KMO: variants seen among roughly 807,000 people sequenced by gnomAD.
The protein encoded by KMO is kynurenine 3-hydroxylase.
KMO carries 24 observed loss-of-function variants against 57.8 expected under a neutral mutation model. The ratio of observed to expected loss-of-function variants is 0.42; its 90% confidence interval spans 0.30 to 0.58. The LOEUF (loss-of-function observed/expected upper bound fraction) is 0.58, where lower values mean the gene tolerates loss of function less well. KMO is among the 20% of genes least tolerant of loss of function. The pLI is 0.22. For missense variants in KMO, 483 were observed against 588.2 expected (o/e 0.82, Z 1.85); for synonymous variants, 210 against 193.6 (o/e 1.08, Z -0.70).
At chr1:241,534,410 T>C (rs1473685833) in intron 1 of KMO, among the ~76,000 whole-genome samples, 1 of 152,214 alleles carries the variant, frequency 6.6e-6, no homozygotes, top group Non-Finnish European at 1.5e-5. Flanking sequence ...GAGATTGTCA[T>C]CATGTAACCA....
rs757638581 is a variant in KMO at position 241,566,586 on chromosome 1, T to C, written c.783T>C (p.Phe261=). The change falls in exon 9 of 15, where the codon TTT becomes TTC. Residue 261 remains phenylalanine, a synonymous_variant. Coordinates refer to ENST00000366559, the MANE Select transcript of KMO (RefSeq NM_003679.5). ...TGGTAGATTTCTTCCAGAAATACTT[T>C]CCGGATGCCATCCCTCTAATTGGAG... ...NDVVDFFQKY[F]PDAIPLIGEK... The C allele has an allele frequency of 6.2e-7, 1 of 1,613,978 alleles. No individual in the cohort carries two copies. Among genetic ancestry groups the C allele is most frequent in the Non-Finnish European group, 8.5e-7 (1 of 1,179,880 alleles).
intron 5 of KMO, among the ~76,000 whole-genome samples, chr1:241,559,563 G>T (rs558630680): frequency 6.6e-6 from 1 of 152,098 alleles, no homozygotes; most frequent in African/African-American, 2.4e-5. Context: ...CTACATAGAT[G>T]AATTTCTTTG....
chr1:241,588,110 C>G (rs1431434933), intron 11 of KMO, among the ~76,000 whole-genome samples: 1 of 151,998 alleles, frequency 6.6e-6, no homozygotes, highest in Non-Finnish European at 1.5e-5. Context: ...TTTCTAAAGC[C>G]TCCGTTCTTT....
At chr1:241,572,844 T>A (rs892791156) in intron 10 of KMO, among the ~76,000 whole-genome samples, 1 of 152,164 alleles carries the variant, frequency 6.6e-6, no homozygotes, top group Admixed American at 6.5e-5. Context: ...TCTGCGTTTC[T>A]GTACTCATAA....
intron 14 of KMO, among the ~76,000 whole-genome samples, chr1:241,590,485 A>G (rs1261329624): frequency 6.6e-6 from 1 of 152,244 alleles, no homozygotes; most frequent in Non-Finnish European, 1.5e-5. Flanking sequence ...ATCTCAAGAT[A>G]GAAACTGATG....
chr1:241,546,627 G>T (rs748023806), intron 1 of KMO, among the ~76,000 whole-genome samples: 1 of 152,076 alleles, frequency 6.6e-6, no homozygotes, highest in African/African-American at 2.4e-5. Context: ...AAGGAGAGAC[G>T]GTGACTCCTA....
At chr1:241,548,449 A>G (rs753804263) in intron 1 of KMO, among the ~76,000 whole-genome samples, 2 of 152,152 alleles carry the variant, frequency 1.3e-5, no homozygotes, top group Non-Finnish European at 2.9e-5. Flanking sequence ...TTTTGGAGGA[A>G]TGACGCTATT....
rs758193219 is a variant in KMO, at chr1:241,586,546, C to T, written c.958-133C>T. The T allele has an allele frequency of 5.7e-6, 4 of 700,492 alleles. No individual in the cohort carries two copies. In the Admixed American group the frequency reaches 8.4e-5, roughly 15 times the overall value. 43.4% of individuals were successfully genotyped at this position (700,492 alleles called of 1,614,324 possible). ...AATTCAATACCATGTGACAACTCAA[C>T]TGCTATGTACTAGTTGAGAATAAAC... On this transcript the variant is annotated intron_variant, in intron 10 of 14. Coordinates refer to ENST00000366559, the MANE Select transcript of KMO (RefSeq NM_003679.5).
chr1:241,549,151 AG>A (rs1298483256), intron 2 of KMO, among the ~76,000 whole-genome samples: 1 of 151,394 alleles, frequency 6.6e-6, no homozygotes, highest in African/African-American at 2.4e-5. Flanking sequence ...CCTGGGTGAA[AG>A]GGCAAGACCC....
At chr1:241,571,840 T>A (rs1662290740) in intron 10 of KMO, among the ~76,000 whole-genome samples, 1 of 151,534 alleles carries the variant, frequency 6.6e-6, no homozygotes, top group Admixed American at 6.6e-5. Flanking sequence ...TTTGGAATAA[T>A]TTGAGTAGGA....
In KMO at chr1:241,575,172, A is replaced by G. The variant is rs1403163597; in HGVS notation, c.957+6525A>G. Among the ~76,000 whole-genome samples, 3 of 151,884 alleles carry G rather than the reference A, an allele frequency of 2.0e-5. No homozygotes were observed. The East Asian group carries it at 5.8e-4, about 29-fold the overall frequency. ...ATCTTCTCTTATATTTTCTTGGTTA[A>G]ACTAGCTAATGATCTATTGATTTTG... On this transcript the variant is annotated intron_variant, in intron 10 of 14. Coordinates refer to ENST00000366559, the MANE Select transcript of KMO (RefSeq NM_003679.5).
At chr1:241,533,383 T>C (rs751518216) in intron 1 of KMO, among the ~76,000 whole-genome samples, 2 of 152,250 alleles carry the variant, frequency 1.3e-5, no homozygotes, top group African/African-American at 2.4e-5. Context: ...AGGCTGAATA[T>C]AGATGGTATA....
intron 1 of KMO, among the ~76,000 whole-genome samples, chr1:241,536,071 T>C (rs888315887): frequency 2.6e-5 from 4 of 152,196 alleles, no homozygotes; most frequent in Admixed American, 6.5e-5. Context: ...CAGAACAAAG[T>C]GGAGAATCAC....
intron 1 of KMO, among the ~76,000 whole-genome samples, chr1:241,540,194 T>C (rs919039604): frequency 6.6e-6 from 1 of 152,130 alleles, no homozygotes; most frequent in African/African-American, 2.4e-5. Context: ...TTTCTTCACA[T>C]TTACCTGTAT....
intron 9 of KMO, among the ~76,000 whole-genome samples, chr1:241,568,224 G>T (rs1662152497): frequency 6.6e-6 from 1 of 152,150 alleles, no homozygotes; most frequent in African/African-American, 2.4e-5. Context: ...TGATAACAAA[G>T]TTTTAATAAT....
intron 10 of KMO, among the ~76,000 whole-genome samples, chr1:241,583,789 ATATGTGG>A (rs1198342102): frequency 4.5e-5 from 5 of 111,788 alleles, no homozygotes; most frequent in African/African-American, 9.2e-5. Context: ...GAACTTGGGT[ATATGTGG>A]CTGACCATAT....
rs577559203 is a variant in KMO at position 241,594,895 on chromosome 1, G to A, written c.*2742G>A. On this transcript the variant is annotated 3_prime_UTR_variant, in exon 15 of 15. Coordinates refer to ENST00000366559, the MANE Select transcript of KMO (RefSeq NM_003679.5). ...TTATTCATTCTAATTCTTATTAACC[G>A]GAATATGTAGGACCATTTCAATACC... 13 of 569,520 alleles carry A rather than the reference G, an allele frequency of 2.3e-5. No individual in the cohort carries two copies. The highest frequency in any genetic ancestry group is 9.4e-5 in the African/African-American group (5 of 53,324). 35.3% of individuals were successfully genotyped at this position (569,520 alleles called of 1,614,324 possible).
chr1:241,548,781 C>T (rs770046385), intron 1 of KMO, 48 bp from the exon 2 acceptor site: 8 of 1,183,994 alleles, frequency 6.8e-6, no homozygotes, highest in Non-Finnish European at 9.9e-6. Flanking sequence ...TAAAAATTCC[C>T]TATATTTGTG....
chr1:241,565,634 G>A (rs1005150901), intron 8 of KMO, among the ~76,000 whole-genome samples: 3 of 151,560 alleles, frequency 2.0e-5, no homozygotes, highest in African/African-American at 7.3e-5. Context: ...TGAGGTGGGA[G>A]GATTGCTTGA....
Sources: gnomAD v4.1 joint callset for allele counts (sites outside exome capture counted in the v4.1 genomes callset) on GRCh38, gnomAD v4.1.1 for gene constraint, MANE v1.5 for transcripts, NCBI Gene and HGNC (gene_info 2026-07-23, HGNC 2026-07-21) for gene names.